The following CDK14 variants were observed in gnomAD, a reference collection of about 807,000 sequenced individuals.
CDK14 encodes cyclin dependent kinase 14, also known as cyclin-dependent kinase 14.
In CDK14, 34 loss-of-function variants were observed where a neutral mutation model predicts 60.7. The ratio of observed to expected loss-of-function variants is 0.56; its 90% CI spans 0.43 to 0.75. The LOEUF (loss-of-function observed/expected upper bound fraction) is 0.75, where lower values mean the gene tolerates loss of function less well. CDK14 is among the 30% of genes least tolerant of loss of function. The probability of loss-of-function intolerance (pLI) is 0.00; values close to 1 mark genes in which losing one functional copy is unlikely to be tolerated. For missense variants in CDK14, 482 were observed against 564.1 expected (o/e 0.85, Z 1.47); for synonymous variants, 197 against 203.7 (o/e 0.97, Z 0.28).
At chr7:91,012,364 A>G (rs958780126) in intron 10 of CDK14, among the ~76,000 whole-genome samples, 4 of 152,196 alleles carry the variant, frequency 2.6e-5, no homozygotes, top group Non-Finnish European at 5.9e-5. Context: ...TTATGCACTG[A>G]CATTACTTAA....
chr7:91,091,277 AAT>A (rs1205158672), intron 12 of CDK14, among the ~76,000 whole-genome samples: 26 of 145,242 alleles, frequency 1.8e-4, no homozygotes, highest in African/African-American at 2.3e-4. Context: ...TATTTATATA[AAT>A]ATATATGTAT....
At chr7:90,680,200 A>G (rs1039833124) in intron 2 of CDK14, among the ~76,000 whole-genome samples, 5 of 152,114 alleles carry the variant, frequency 3.3e-5, no homozygotes, top group African/African-American at 1.2e-4. Flanking sequence ...GAGTTTCTTT[A>G]TATTGTGAAA....
intron 5 of CDK14, among the ~76,000 whole-genome samples, chr7:90,797,799 A>C (rs1257210970): frequency 6.6e-6 from 1 of 151,976 alleles, no homozygotes; most frequent in East Asian, 1.9e-4. Context: ...ACCAGATTTC[A>C]TGACAGCTCA....
chr7:90,709,851 G>T, intron 2 of CDK14: 1 of 1,388,532 alleles, frequency 7.2e-7, no homozygotes, highest in Non-Finnish European at 9.4e-7. Flanking sequence ...AGTGCAGAAA[G>T]ATGTGAATTC....
intron 5 of CDK14, among the ~76,000 whole-genome samples, chr7:90,802,470 C>T (rs1206025856): frequency 6.6e-6 from 1 of 152,158 alleles, no homozygotes; most frequent in Non-Finnish European, 1.5e-5. Flanking sequence ...TTCTCAGTTG[C>T]ATCCTCATGG....
chr7:91,183,840 C>G (rs2115894710), intron 14 of CDK14, among the ~76,000 whole-genome samples: 1 of 152,314 alleles, frequency 6.6e-6, no homozygotes, highest in Non-Finnish European at 1.5e-5. Context: ...TTCATTGTCT[C>G]TATACAAATT....
chr7:91,190,932 G>A (rs1802342181), intron 14 of CDK14, among the ~76,000 whole-genome samples: 2 of 152,148 alleles, frequency 1.3e-5, no homozygotes, highest in South Asian at 4.2e-4. Flanking sequence ...AGAAAGTGAG[G>A]GAGGGATGGC....
At chr7:90,755,565 C>T (rs1425555839) in intron 4 of CDK14, among the ~76,000 whole-genome samples, 2 of 152,114 alleles carry the variant, frequency 1.3e-5, no homozygotes, top group Non-Finnish European at 2.9e-5. Context: ...CAGAATCATG[C>T]AATATACTAA....
intron 12 of CDK14, among the ~76,000 whole-genome samples, chr7:91,083,180 C>T (rs1049581256): frequency 6.6e-6 from 1 of 151,762 alleles, no homozygotes; most frequent in African/African-American, 2.4e-5. Context: ...TTATTTAGTG[C>T]CTGGAGACTT....
At chr7:90,925,385 A>G (rs1408918119) in intron 8 of CDK14, among the ~76,000 whole-genome samples, 1 of 152,222 alleles carries the variant, frequency 6.6e-6, no homozygotes, top group Non-Finnish European at 1.5e-5. Context: ...AGTTGGCTAA[A>G]TTAAGTGCCC....
intron 4 of CDK14, among the ~76,000 whole-genome samples, chr7:90,759,928 G>C (rs1273324595): frequency 6.6e-6 from 1 of 152,104 alleles, no homozygotes; most frequent in African/African-American, 2.4e-5. Context: ...ACTTCTGCAG[G>C]AGCCTGCCAA....
chr7:90,869,528 AG>A (rs1791297877), intron 6 of CDK14, among the ~76,000 whole-genome samples: 1 of 152,202 alleles, frequency 6.6e-6, no homozygotes, highest in South Asian at 2.1e-4. Flanking sequence ...AAGCCTCCAA[AG>A]GGTGTTGAGC....
rs962054986 is a variant in CDK14 at position 91,187,878 on chromosome 7, C to T, written c.*29-19287C>T. On this transcript the variant is annotated intron_variant, in intron 14 of 14. Transcript: ENST00000380050. ...GCAAATGGAGTCTTTGCCTGGCCTGCGCCATACTGTCTTCTCCTTACAGTA... is the reference window on the plus strand; with the variant it reads ...GCAAATGGAGTCTTTGCCTGGCCTGTGCCATACTGTCTTCTCCTTACAGTA... Among the ~76,000 whole-genome samples, 11 of 151,424 alleles carry T rather than the reference C, an allele frequency of 7.3e-5. No homozygotes were observed. The East Asian group carries it at 1.2e-3, about 16-fold the overall frequency.
intron 10 of CDK14, among the ~76,000 whole-genome samples, chr7:90,996,811 A>G (rs982158707): frequency 1.3e-5 from 2 of 152,208 alleles, no homozygotes; most frequent in Non-Finnish European, 2.9e-5. Flanking sequence ...TTAATTTTGA[A>G]TAACTCTAGA....
chr7:90,846,169 T>G (rs1417875088), intron 5 of CDK14, among the ~76,000 whole-genome samples: 1 of 152,106 alleles, frequency 6.6e-6, no homozygotes, highest in Non-Finnish European at 1.5e-5. Flanking sequence ...CAAACTCAAG[T>G]TCCTTGAGCT....
At chr7:91,138,861 A>G (rs1238354181) in intron 14 of CDK14, among the ~76,000 whole-genome samples, 1 of 152,128 alleles carries the variant, frequency 6.6e-6, no homozygotes, top group Admixed American at 6.5e-5. Flanking sequence ...CGTAAATTGG[A>G]AACAGGGACT....
chr7:91,097,992 G>T (rs951232019), intron 12 of CDK14, among the ~76,000 whole-genome samples: 2 of 152,206 alleles, frequency 1.3e-5, no homozygotes, highest in Non-Finnish European at 2.9e-5. Context: ...GTTAGAGAAG[G>T]CAGATAGGAA....
chr7:91,018,253 C>T (rs891045186), intron 10 of CDK14, among the ~76,000 whole-genome samples: 1 of 152,128 alleles, frequency 6.6e-6, no homozygotes, highest in Non-Finnish European at 1.5e-5. Flanking sequence ...GCTGTTTGTC[C>T]TCATACAATG....
intron 14 of CDK14, among the ~76,000 whole-genome samples, chr7:91,147,141 GTC>G (rs150638262): frequency 0.026 from 2,032 of 79,206 alleles, 42 homozygotes; most frequent in South Asian, 0.081. Flanking sequence ...ACCTCTCTCT[GTC>G]TCTCTCTCTC....
Sources: allele counts gnomAD v4.1 joint callset (sites outside exome capture counted in the v4.1 genomes callset), GRCh38; gene constraint gnomAD v4.1.1; transcripts MANE v1.5; gene names NCBI Gene and HGNC (gene_info 2026-07-23, HGNC 2026-07-21).